Variants in TMEM108 observed in about 807,000 individuals in gnomAD.
TMEM108 encodes the protein transmembrane protein 108.
In TMEM108, 12 loss-of-function variants were observed where a neutral mutation model predicts 35.1. That is an observed-to-expected ratio of 0.34 (90% CI 0.22 to 0.55). The LOEUF (loss-of-function observed/expected upper bound fraction) is 0.55. Among genes scored for constraint, TMEM108 ranks in the 20% least tolerant of loss-of-function variants. The probability of loss-of-function intolerance (pLI) is 0.89; values close to 1 mark genes in which losing one functional copy is unlikely to be tolerated. For missense variants in TMEM108, 680 were observed against 753.3 expected (o/e 0.90, Z 1.14); for synonymous variants, 287 against 308.6 (o/e 0.93, Z 0.73).
intron 3 of TMEM108, chr3:133,378,337 G>T: frequency 1.0e-6 from 1 of 985,448 alleles, no homozygotes; most frequent in Non-Finnish European, 1.2e-6. Context: ...TCTGCTTCTC[G>T]CCAGGGCCCT....
intron 2 of TMEM108, among the ~76,000 whole-genome samples, chr3:133,212,758 C>T (rs548830113): frequency 1.1e-4 from 16 of 150,056 alleles, no homozygotes; most frequent in East Asian, 4.0e-4. Flanking sequence ...CCCAGCTATT[C>T]GGGAGGCTGA....
At chr3:133,108,208 G>A (rs1219818131) in intron 2 of TMEM108, among the ~76,000 whole-genome samples, 2 of 152,094 alleles carry the variant, frequency 1.3e-5, no homozygotes, top group Non-Finnish European at 2.9e-5. Flanking sequence ...TCCAGCCTGA[G>A]CGACAGAGTG....
chr3:133,387,936 T>C, intron 4 of TMEM108: 1 of 985,458 alleles, frequency 1.0e-6, no homozygotes, highest in Non-Finnish European at 1.2e-6. Context: ...AATATCTTTC[T>C]ACCTTAGAGA....
chr3:133,263,150 G>C (rs1313412777), intron 3 of TMEM108, among the ~76,000 whole-genome samples: 1 of 152,214 alleles, frequency 6.6e-6, no homozygotes. Flanking sequence ...AGACAACCTT[G>C]TGTGGTGAAC....
At chr3:133,134,249 TAGTC>T (rs747818793) in intron 2 of TMEM108, among the ~76,000 whole-genome samples, 1 of 152,164 alleles carries the variant, frequency 6.6e-6, no homozygotes, top group Admixed American at 6.5e-5. Flanking sequence ...CTTTATAGCT[TAGTC>T]AGTTTTCAGA....
intron 2 of TMEM108, among the ~76,000 whole-genome samples, chr3:133,174,039 C>G (rs1224833064): frequency 6.6e-6 from 1 of 152,246 alleles, no homozygotes; most frequent in African/African-American, 2.4e-5. Context: ...ATATCCCGCT[C>G]CTGGCTCAGA....
intron 2 of TMEM108, among the ~76,000 whole-genome samples, chr3:133,191,840 G>A (rs1020057189): frequency 2.6e-5 from 4 of 152,258 alleles, no homozygotes; most frequent in South Asian, 2.1e-4. Flanking sequence ...GCTGCTGGAC[G>A]TGGACCCTGC....
chr3:133,248,995 T>A (rs1478555309), intron 3 of TMEM108, among the ~76,000 whole-genome samples: 2 of 152,272 alleles, frequency 1.3e-5, no homozygotes, highest in South Asian at 2.1e-4. Context: ...TATCAGATGA[T>A]GAAAGAGGTA....
intron 2 of TMEM108, among the ~76,000 whole-genome samples, chr3:133,092,383 A>G (rs964263896): frequency 3.3e-5 from 5 of 152,208 alleles, no homozygotes; most frequent in African/African-American, 4.8e-5. Flanking sequence ...CCCAAGTCAT[A>G]TTTAAAAGTT....
intron 3 of TMEM108, among the ~76,000 whole-genome samples, chr3:133,333,602 C>A (rs1047233557): frequency 6.6e-6 from 1 of 152,056 alleles, no homozygotes; most frequent in African/African-American, 2.4e-5. Context: ...AAGAATAAGA[C>A]TTTATTAACA....
At chr3:133,267,206 A>G (rs1044593823) in intron 3 of TMEM108, among the ~76,000 whole-genome samples, 2 of 152,144 alleles carry the variant, frequency 1.3e-5, no homozygotes, top group Non-Finnish European at 2.9e-5. Flanking sequence ...TGTACCAGGT[A>G]CTCTGGCACT....
rs200453919 is a variant in TMEM108, at chr3:133,177,162, A to G, written c.-46-52104A>G. Among the ~76,000 whole-genome samples, 9 of 152,358 alleles carry G rather than the reference A, an allele frequency of 5.9e-5. No homozygotes were observed. The East Asian group carries it at 1.7e-3, about 29-fold the overall frequency. Reference sequence around the variant, plus strand: ...AGACCAATAACAGGCTCTGAAATTGAGGCAATAATAAATAGCTTACCAACC... The same window carrying G: ...AGACCAATAACAGGCTCTGAAATTGGGGCAATAATAAATAGCTTACCAACC... On this transcript the variant is annotated intron_variant, in intron 2 of 5. Coordinates refer to ENST00000321871, the MANE Select transcript of TMEM108 (RefSeq NM_023943.4).
intron 2 of TMEM108, among the ~76,000 whole-genome samples, chr3:133,216,437 TG>T (rs1245558473): frequency 1.3e-5 from 2 of 152,106 alleles, no homozygotes; most frequent in Non-Finnish European, 2.9e-5. Context: ...TGCTTTCCCT[TG>T]CATATTTTTT....
chr3:133,142,553 C>T (rs1040004009), intron 2 of TMEM108, among the ~76,000 whole-genome samples: 10 of 152,158 alleles, frequency 6.6e-5, no homozygotes, highest in African/African-American at 1.9e-4. Context: ...TCCTGGAGCA[C>T]GGTTTCACAC....
chr3:133,380,889 C>T lies in TMEM108; in HGVS notation c.1178C>T (p.Ser393Leu). The stretch of plus-strand genomic sequence containing the variant: ...GCTCCAACCCATCCCTCCAGGGTCT[C>T]AGAAAGCACTATTTCTGGAGCCAAG... ...PQAPTHPSRV[S>L]ESTISGAKEE... is the part of the protein sequence containing the mutation. Residue 393 changes from serine to leucine, a missense_variant, in exon 4 of 6, where the codon TCA (serine) becomes TTA (leucine). Transcript: ENST00000321871. This position sits in a 1 kb window ranked among gnomAD's most constrained non-coding sequence, Gnocchi z 5.3. 6.2e-7 allele frequency: 1 copy of T among 1,614,198 alleles called. No individual in the cohort carries two copies. The highest frequency in any genetic ancestry group is 8.5e-7 in the Non-Finnish European group (1 of 1,180,022).
chr3:133,098,682 A>G (rs558007733), intron 2 of TMEM108, among the ~76,000 whole-genome samples: 2 of 152,318 alleles, frequency 1.3e-5, no homozygotes, highest in East Asian at 3.9e-4. Flanking sequence ...AAATTGGCCA[A>G]AACAAAGGGG....
At chr3:133,231,038 A>T (rs1946145617) in intron 3 of TMEM108, among the ~76,000 whole-genome samples, 1 of 152,188 alleles carries the variant, frequency 6.6e-6, no homozygotes, top group Non-Finnish European at 1.5e-5. Flanking sequence ...CTGATTACTG[A>T]CATGCATATA....
chr3:133,325,498 TAAGA>T (rs1413773119), intron 3 of TMEM108, among the ~76,000 whole-genome samples: 2 of 152,134 alleles, frequency 1.3e-5, no homozygotes, highest in Non-Finnish European at 2.9e-5. Flanking sequence ...AAAAATTACT[TAAGA>T]GACAACAAAT....
chr3:133,383,922 T>C (rs1253872029), intron 4 of TMEM108, among the ~76,000 whole-genome samples: 3 of 152,280 alleles, frequency 2.0e-5, no homozygotes, highest in African/African-American at 7.2e-5. Flanking sequence ...CCACATCAGC[T>C]CCATGTCCTC....
Sources: allele counts gnomAD v4.1 joint callset (sites outside exome capture counted in the v4.1 genomes callset), GRCh38; gene constraint gnomAD v4.1.1; non-coding constraint Gnocchi (gnomAD v3.1); transcripts MANE v1.5; gene names NCBI Gene and HGNC (gene_info 2026-07-23, HGNC 2026-07-21).